SAXO1: variants seen among roughly 807,000 people sequenced by gnomAD.
SAXO1 encodes stabilizer of axonemal microtubules 1.
A neutral mutation model predicts 17.5 loss-of-function variants in SAXO1; 21 were observed. That is an observed-to-expected ratio of 1.20 (90% CI 0.85 to 1.72). The LOEUF (loss-of-function observed/expected upper bound fraction) is 1.72. SAXO1 is among the 40% of genes most tolerant of loss of function. The pLI is 0.00. For missense variants in SAXO1, 843 were observed against 596.0 expected (o/e 1.41, Z -4.32); for synonymous variants, 274 against 216.5 (o/e 1.27, Z -2.33).
intron 1 of SAXO1, among the ~76,000 whole-genome samples, chr9:18,998,552 T>C (rs1413839725): frequency 6.6e-6 from 1 of 152,118 alleles, no homozygotes; most frequent in African/African-American, 2.4e-5. Flanking sequence ...CGGGATATTA[T>C]CCAGAAGAAC....
At chr9:18,935,907 A>G (rs897256561) in intron 3 of SAXO1, among the ~76,000 whole-genome samples, 1 of 152,212 alleles carries the variant, frequency 6.6e-6, no homozygotes, top group Admixed American at 6.5e-5. Flanking sequence ...CAGAGCCACT[A>G]CATAAATGAA....
At chr9:19,002,634 G>C (rs1455346571) in intron 1 of SAXO1, among the ~76,000 whole-genome samples, 1 of 152,112 alleles carries the variant, frequency 6.6e-6, no homozygotes, top group Non-Finnish European at 1.5e-5. Context: ...CAGAACCAAA[G>C]ACAAAAACCA....
intron 1 of SAXO1, among the ~76,000 whole-genome samples, chr9:18,960,735 C>G (rs191135279): frequency 1.3e-5 from 2 of 152,058 alleles, no homozygotes; most frequent in South Asian, 4.1e-4. Flanking sequence ...GAGCTGTGTT[C>G]GGCCCCCTGC....
intron 1 of SAXO1, among the ~76,000 whole-genome samples, chr9:19,012,734 C>T (rs1834801655): frequency 6.6e-6 from 1 of 152,142 alleles, no homozygotes; most frequent in South Asian, 2.1e-4. Flanking sequence ...TTTTTCTAAA[C>T]AGAAAGTATA....
chr9:18,982,037 C>T (rs1487197592), intron 1 of SAXO1, among the ~76,000 whole-genome samples: 1 of 152,188 alleles, frequency 6.6e-6, no homozygotes, highest in Non-Finnish European at 1.5e-5. Flanking sequence ...GCGACCAGTA[C>T]CCTTGACAGC....
chr9:18,996,992 A>G (rs1447675062), intron 1 of SAXO1, among the ~76,000 whole-genome samples: 1 of 152,208 alleles, frequency 6.6e-6, no homozygotes, highest in Non-Finnish European at 1.5e-5. Context: ...ATGGCCGAAT[A>G]GGAACAGCTC....
intron 1 of SAXO1, among the ~76,000 whole-genome samples, chr9:19,017,487 T>C (rs2131007308): frequency 6.6e-6 from 1 of 152,350 alleles, no homozygotes; most frequent in Admixed American, 6.5e-5. Context: ...GTGACAGTTG[T>C]TGCAGCTACA....
intron 1 of SAXO1, among the ~76,000 whole-genome samples, chr9:19,014,587 G>A (rs1230344876): frequency 1.3e-5 from 2 of 151,950 alleles, no homozygotes; most frequent in Non-Finnish European, 2.9e-5. Context: ...AGATAGAGGA[G>A]TGAAAATAGA....
chr9:19,012,787 C>G (rs1834804705), intron 1 of SAXO1, among the ~76,000 whole-genome samples: 1 of 152,154 alleles, frequency 6.6e-6, no homozygotes, highest in African/African-American at 2.4e-5. Flanking sequence ...CTCAGTAGAT[C>G]TGTCTCATTC....
chr9:19,035,545 C>A (rs774604101), upstream of SAXO1, among the ~76,000 whole-genome samples: 1 of 152,166 alleles, frequency 6.6e-6, no homozygotes, highest in Non-Finnish European at 1.5e-5. Flanking sequence ...AATGAGGAAG[C>A]AACTTTGGAA....
chr9:19,012,292 G>A (rs1199488854), intron 1 of SAXO1, among the ~76,000 whole-genome samples: 1 of 152,236 alleles, frequency 6.6e-6, no homozygotes, highest in Non-Finnish European at 1.5e-5. Context: ...ACCATCTGGG[G>A]GTTAAGAGCT....
chr9:18,998,534 A>G (rs1421784420), intron 1 of SAXO1, among the ~76,000 whole-genome samples: 1 of 152,178 alleles, frequency 6.6e-6, no homozygotes, highest in Non-Finnish European at 1.5e-5. Context: ...AAGTTAGAAA[A>G]CACTCTTCGG....
chr9:18,961,212 G>C (rs989332377), intron 1 of SAXO1, among the ~76,000 whole-genome samples: 1 of 151,718 alleles, frequency 6.6e-6, no homozygotes, highest in Non-Finnish European at 1.5e-5. Context: ...TGTCAGCCAG[G>C]CTAGAGTGCA....
At chr9:18,961,058 A>C (rs1355174301) in intron 1 of SAXO1, among the ~76,000 whole-genome samples, 2 of 152,222 alleles carry the variant, frequency 1.3e-5, no homozygotes, top group East Asian at 3.8e-4. Context: ...TTAAATGCTA[A>C]GTTTCTTGCA....
At chr9:18,967,438 C>T (rs1832762973) in intron 1 of SAXO1, among the ~76,000 whole-genome samples, 1 of 152,188 alleles carries the variant, frequency 6.6e-6, no homozygotes, top group Non-Finnish European at 1.5e-5. Flanking sequence ...TTCAGAGATG[C>T]CCTGCCCAGA....
At chr9:18,949,134 T>C (rs1035722018) in intron 2 of SAXO1, among the ~76,000 whole-genome samples, 4 of 152,230 alleles carry the variant, frequency 2.6e-5, no homozygotes, top group Non-Finnish European at 4.4e-5. Context: ...AGTGTTCATA[T>C]TGTTTAATAA....
At chr9:18,991,745 A>G (rs575177217) in intron 1 of SAXO1, among the ~76,000 whole-genome samples, 6 of 152,338 alleles carry the variant, frequency 3.9e-5, no homozygotes, top group African/African-American at 1.4e-4. Flanking sequence ...AAAGTGCACA[A>G]TAAATGTAAT....
chr9:19,037,602 C>G (rs1416900137), upstream of SAXO1, among the ~76,000 whole-genome samples: 2 of 152,152 alleles, frequency 1.3e-5, no homozygotes, highest in Non-Finnish European at 1.5e-5. Flanking sequence ...CACCTCCCGC[C>G]ATGATTCTGA....
At chr9:19,010,083 C>T (rs1187438473) in intron 1 of SAXO1, among the ~76,000 whole-genome samples, 1 of 152,034 alleles carries the variant, frequency 6.6e-6, no homozygotes, top group Non-Finnish European at 1.5e-5. Flanking sequence ...CCAGCCTTGG[C>T]CTCCCAAAGT....
Sources: gnomAD v4.1 joint callset for allele counts (sites outside exome capture counted in the v4.1 genomes callset) on GRCh38, gnomAD v4.1.1 for gene constraint, MANE v1.5 for transcripts, NCBI Gene and HGNC (gene_info 2026-07-23, HGNC 2026-07-21) for gene names.